ZZEF1: variants seen among roughly 807,000 people sequenced by gnomAD.
The protein encoded by ZZEF1 is zinc finger ZZ-type and EF-hand domain containing 1.
ZZEF1 carries 157 observed loss-of-function variants against 342.8 expected under a neutral mutation model. The ratio of observed to expected loss-of-function variants is 0.46; its 90% CI spans 0.40 to 0.52. The LOEUF (loss-of-function observed/expected upper bound fraction) is 0.52. ZZEF1 is among the 20% of genes least tolerant of loss of function. The probability of loss-of-function intolerance (pLI) is 0.00; values close to 1 mark genes in which losing one functional copy is unlikely to be tolerated. For synonymous variants in ZZEF1, 1,505 were observed against 1,429.1 expected (o/e 1.05, Z -1.20); for missense variants, 3,480 against 3,725.6 (o/e 0.93, Z 1.72).
At chr17:4,139,908 TA>T (rs2058814753) in intron 1 of ZZEF1, among the ~76,000 whole-genome samples, 1 of 152,238 alleles carries the variant, frequency 6.6e-6, no homozygotes, top group Admixed American at 6.5e-5. Context: ...GTCCTGCAGG[TA>T]ACTGCGGCCA....
rs745431119 is a variant in ZZEF1 at position 4,014,047 on chromosome 17, C to T, written c.8413+43G>A. On this transcript the variant is annotated intron_variant, in intron 51 of 54. Coordinates refer to ENST00000381638, the MANE Select transcript of ZZEF1 (RefSeq NM_015113.4). This position sits in a 1 kb window ranked among gnomAD's most constrained non-coding sequence, Gnocchi z 4.4. ...ATGGCACCCACAGCCATGGAGTGTC[C>T]CTGGCAGGCAGATGGTGTGAACGCA... 3.2e-6 allele frequency: 5 copies of T among 1,572,850 alleles called. No homozygotes were observed. Among genetic ancestry groups the T allele is most frequent in the Non-Finnish European group, 4.4e-6 (5 of 1,143,406 alleles).
At chr17:4,035,299 T>A (rs766024498) in intron 39 of ZZEF1, among the ~76,000 whole-genome samples, 16 of 152,122 alleles carry the variant, frequency 1.1e-4, no homozygotes, top group Admixed American at 5.2e-4. Context: ...GGGCACTATA[T>A]CCATAGTATG....
At chr17:4,081,789 T>C (rs991405634) in intron 17 of ZZEF1, among the ~76,000 whole-genome samples, 2 of 152,118 alleles carry the variant, frequency 1.3e-5, no homozygotes, top group Non-Finnish European at 2.9e-5. Context: ...TCACGACTGC[T>C]AGCTTCAAAG....
At chr17:4,054,225 A>G (rs2057109360) in intron 33 of ZZEF1, 30 bp from the exon 34 acceptor site, 1 of 1,596,140 alleles carries the variant, frequency 6.3e-7, no homozygotes, top group African/African-American at 1.3e-5. Context: ...CAATTAACTG[A>G]TAGATTTTCT....
intron 30 of ZZEF1, 48 bp downstream of exon 30, chr17:4,062,705 T>C (rs776183592): frequency 6.6e-7 from 1 of 1,513,320 alleles, no homozygotes; most frequent in Non-Finnish European, 8.9e-7. Flanking sequence ...AGGATTTATT[T>C]ACAATGATCT....
rs2057884794 is a variant in ZZEF1, at chr17:4,088,605, G to A, written c.2241+73C>T. On this transcript the variant is annotated intron_variant, in intron 13 of 54. Transcript: ENST00000381638. ...TCCGCAGGGGCAGGTTTTATCAGTT[G>A]GTGTTCATTTCTCTGAATACTGTCA... 6.0e-6 allele frequency: 9 copies of A among 1,501,362 alleles called. No individual in the cohort carries two copies. The South Asian group carries it at 7.2e-5, about 12-fold the overall frequency. 93.0% of individuals were successfully genotyped at this position (1,501,362 alleles called of 1,614,324 possible).
chr17:4,138,287 C>T (rs995011499), intron 1 of ZZEF1, among the ~76,000 whole-genome samples: 7 of 152,230 alleles, frequency 4.6e-5, no homozygotes, highest in Non-Finnish European at 1.0e-4. Context: ...ATTCCTACGG[C>T]ACAGTTCCTG....
Position 4,013,493 on chromosome 17 carries a change from T to A in ZZEF1, c.8535A>T (p.Lys2845Asn). 6.2e-7 allele frequency: 1 copy of A among 1,613,646 alleles called. No individual in the cohort carries two copies. Among genetic ancestry groups the A allele is most frequent in the Non-Finnish European group, 8.5e-7 (1 of 1,179,724 alleles). The change falls in exon 52 of 55, where the codon AAA (lysine) becomes AAT (asparagine). Residue 2845 changes from lysine to asparagine, a missense_variant. By Grantham distance (94) the Lys-to-Asn change is moderately conservative. This residue lies in a region of ZZEF1 where 1,269 missense variants were observed against 1,342.4 expected (regional missense o/e 0.95). Coordinates refer to ENST00000381638, the MANE Select transcript of ZZEF1 (RefSeq NM_015113.4). ...CAATCCTCAGAAGTAAGTGGATGGC[T>A]TTTAATCGTTGATGGCCAGTCTGGC... The part of the protein sequence containing the change: ...ACRQTGHQRL[K>N]AIHLLLRIVR...
intron 12 of ZZEF1, 60 bp from the exon 13 acceptor site, chr17:4,088,953 G>C (rs757223361): frequency 2.9e-5 from 44 of 1,539,888 alleles, no homozygotes; most frequent in Non-Finnish European, 2.1e-5. Context: ...ATTGATTAAA[G>C]AGGGAAAAAG....
intron 46 of ZZEF1, among the ~76,000 whole-genome samples, chr17:4,018,668 G>A (rs1003308307): frequency 6.6e-6 from 1 of 152,120 alleles, no homozygotes; most frequent in Non-Finnish European, 1.5e-5. Context: ...GCCGAAACTC[G>A]GTGGCCCTTC....
In ZZEF1 at chr17:4,021,242, G is replaced by A. The variant is rs779875581; in HGVS notation, c.7291C>T (p.Arg2431Ter). ...AEHGDLELDE[R>*]GDREEEVERP... is the part of the protein sequence containing the mutation. ...TCCACCTCTTCCTCTCGGTCCCCTC[G>A]CTCATCCAGCTCTAGGTCTCCGTGC... Residue 2431 changes from arginine (R) to a stop codon, truncating the protein, a stop_gained, in exon 45 of 55, where the codon CGA becomes TGA. Transcript: ENST00000381638. LOFTEE classifies it high-confidence loss of function. The A allele has an allele frequency of 6.8e-6, 11 of 1,614,120 alleles. No individual in the cohort carries two copies. The highest frequency in any genetic ancestry group is 2.2e-5 in the South Asian group (2 of 91,058).
chr17:4,067,703 A>C (rs889118854), intron 26 of ZZEF1, among the ~76,000 whole-genome samples: 5 of 152,182 alleles, frequency 3.3e-5, no homozygotes, highest in Non-Finnish European at 7.3e-5. Context: ...CATGCTTATA[A>C]TCCCAGCACT....
intron 39 of ZZEF1, 114 bp downstream of exon 39, chr17:4,042,315 T>A (rs1311285421): frequency 8.6e-7 from 1 of 1,168,424 alleles, no homozygotes; most frequent in African/African-American, 1.5e-5. Context: ...TAACTTCTAA[T>A]CCTACCCTTA....
chr17:4,050,965 T>C lies in ZZEF1; in HGVS notation c.5679A>G (p.Pro1893=), dbSNP rs772825915. The change falls in exon 36 of 55, where the codon CCA becomes CCG. Residue 1893 remains proline (P), a synonymous_variant. Coordinates refer to ENST00000381638, the MANE Select transcript of ZZEF1 (RefSeq NM_015113.4). ...RISDRQRLIQ[P]YIHNYSWLLF... ...GCAGCCAGGAGTAGTTATGGATATA[T>C]GGCTGGATGAGCCTCTGCCGGTCAC... The C allele has an allele frequency of 2.5e-6, 4 of 1,614,236 alleles. No individual in the cohort carries two copies. Among genetic ancestry groups the C allele is most frequent in the East Asian group, 2.2e-5 (1 of 44,892 alleles).
chr17:4,033,907 C>A, intron 40 of ZZEF1, 108 bp downstream of exon 40: 1 of 1,431,332 alleles, frequency 7.0e-7, no homozygotes, highest in South Asian at 1.3e-5. Context: ...TCAGACAACA[C>A]AACTGTAGCA....
rs2055789362 is a variant in ZZEF1, at chr17:4,005,858, G to A, written c.*1032C>T. On this transcript the variant is annotated 3_prime_UTR_variant, in exon 55 of 55. Transcript: ENST00000381638. ...GTTCCCAAGCGTGGCTCTGGAGGGA[G>A]AATCATCATCGGCACTCCAGGGCAA... The A allele has an allele frequency of 6.6e-6, 1 of 152,250 alleles. No individual in the cohort carries two copies. Among genetic ancestry groups the A allele is most frequent in the Admixed American group, 6.5e-5 (1 of 15,272 alleles). 9.4% of individuals were successfully genotyped at this position (152,250 alleles called of 1,614,324 possible). A position where few individuals can be genotyped will look rare whatever the true frequency, so the allele number is the denominator to read the frequency against.
chr17:4,070,335 C>A (rs183415744), intron 26 of ZZEF1, among the ~76,000 whole-genome samples: 1 of 152,186 alleles, frequency 6.6e-6, no homozygotes, highest in Non-Finnish European at 1.5e-5. Flanking sequence ...GCAGAAAGGT[C>A]GTCTGATTAA....
chr17:4,081,296 A>G (rs1357805652), intron 18 of ZZEF1, 80 bp downstream of exon 18: 10 of 1,160,692 alleles, frequency 8.6e-6, no homozygotes, highest in Non-Finnish European at 1.0e-5. Context: ...CAAAGAGGCA[A>G]AGGGGGGCAC....
intron 9 of ZZEF1, among the ~76,000 whole-genome samples, chr17:4,096,921 A>G (rs1319196533): frequency 6.6e-6 from 1 of 152,080 alleles, no homozygotes; most frequent in Non-Finnish European, 1.5e-5. Context: ...CCAGGGCACA[A>G]TCCCCTCCAC....
Sources: gnomAD v4.1 joint callset for allele counts (sites outside exome capture counted in the v4.1 genomes callset) on GRCh38, gnomAD v4.1.1 for gene constraint, gnomAD v4.1.1 regional missense constraint, Gnocchi (gnomAD v3.1) non-coding constraint, MANE v1.5 for transcripts, NCBI Gene and HGNC (gene_info 2026-07-23, HGNC 2026-07-21) for gene names.